Variants in RUNX3 observed in about 807,000 individuals in gnomAD.
The protein encoded by RUNX3 is RUNX family transcription factor 3.
RUNX3 carries 10 observed loss-of-function variants against 27.7 expected under a neutral mutation model. The observed-to-expected ratio is 0.36, with a 90% CI of 0.22 to 0.61. The LOEUF (loss-of-function observed/expected upper bound fraction) is 0.61, where lower values mean the gene tolerates loss of function less well. RUNX3 is among the 20% of genes least tolerant of loss of function. RUNX3 has a pLI of 0.72. For synonymous variants in RUNX3, 270 were observed against 269.2 expected (o/e 1.00, Z -0.03); for missense variants, 469 against 629.5 (o/e 0.75, Z 2.73).
chr1:24,900,984 T>G lies in RUNX3; in HGVS notation c.*1138A>C, dbSNP rs1183582039. On this transcript the variant is annotated 3_prime_UTR_variant, in exon 5 of 5. Coordinates refer to ENST00000308873, the MANE Select transcript of RUNX3 (RefSeq NM_004350.3). The stretch of plus-strand genomic sequence containing the variant: ...GTGTTTGAAAACGTTAGATTAAGCT[T>G]CTTTTTCTAAAATCAGTTTTAAAAA... 1.3e-5 allele frequency: 2 copies of G among 152,108 alleles called. No homozygotes were observed. The highest frequency in any genetic ancestry group is 2.4e-5 in the African/African-American group (1 of 41,404). The allele number at this position is 152,108 out of a possible 1,614,324, so 9.4% of individuals were successfully genotyped here. A position where few individuals can be genotyped will look rare whatever the true frequency, so the allele number is the denominator to read the frequency against.
chr1:24,953,004 T>C (rs751230358), intron 2 of RUNX3, among the ~76,000 whole-genome samples: 3 of 152,148 alleles, frequency 2.0e-5, no homozygotes, highest in Non-Finnish European at 2.9e-5. Flanking sequence ...ATTTTTACTA[T>C]CTTTCTTTTG....
In RUNX3 at chr1:24,901,462, G is replaced by C. The variant is rs1199525801; in HGVS notation, c.*660C>G. 1 of 152,904 alleles carries C rather than the reference G, an allele frequency of 6.5e-6. No homozygotes were observed. Among genetic ancestry groups the C allele is most frequent in the African/African-American group, 2.4e-5 (1 of 41,378 alleles). The allele number at this position is 152,904 out of a possible 1,614,324, so 9.5% of individuals were successfully genotyped here. A position where few individuals can be genotyped will look rare whatever the true frequency, so the allele number is the denominator to read the frequency against. On this transcript the variant is annotated 3_prime_UTR_variant, in exon 5 of 5. Transcript: ENST00000308873. ...TCTGGGGCCTGGGACCCGTGCGGCT[G>C]GGGGAAAGCCAACAGTTAGGAACGG...
Position 24,902,466 on chromosome 1 carries a change from G to A in RUNX3, c.904C>T (p.Arg302Cys), listed in dbSNP as rs749556676. ...GGCGGGAGGTAGGTATGGTGGAAGC[G>A]GCTGGTGGCCGGCATGCCCGCCACG... is the stretch of plus-strand genomic sequence containing the variant. ...LSVAGMPATSRFHHTYLPPPY... is the reference protein window; with the variant it reads ...LSVAGMPATSCFHHTYLPPPY... Residue 302 changes from arginine (R) to cysteine (C), a missense_variant, in exon 5 of 5, where the codon CGC becomes TGC. Arg to Cys is a radical substitution (Grantham distance 180, BLOSUM62 -3). Around this residue, in one of 3 missense-constraint regions of RUNX3, gnomAD observed 279 missense variants for 343.0 expected, o/e 0.81. Transcript: ENST00000308873. The surrounding 1 kb of genome is among the most constrained non-coding windows in gnomAD (Gnocchi z 9.2). 3.7e-6 allele frequency: 6 copies of A among 1,600,846 alleles called. No individual in the cohort carries two copies. The highest frequency in any genetic ancestry group is 2.2e-5 in the East Asian group (1 of 44,482).
intron 2 of RUNX3, among the ~76,000 whole-genome samples, chr1:24,951,739 G>A (rs565482575): frequency 4.2e-4 from 64 of 152,202 alleles, no homozygotes; most frequent in Non-Finnish European, 7.8e-4. Flanking sequence ...GGCGAGCCAC[G>A]CAGGCTCTGG....
At chr1:24,915,097 A>G (rs927692062) in intron 3 of RUNX3, among the ~76,000 whole-genome samples, 4 of 152,240 alleles carry the variant, frequency 2.6e-5, no homozygotes, top group Non-Finnish European at 4.4e-5. Flanking sequence ...GGGCCTGGCA[A>G]ACCAGAGCAA....
intron 2 of RUNX3, among the ~76,000 whole-genome samples, chr1:24,925,529 C>G (rs1012059635): frequency 3.9e-5 from 6 of 152,210 alleles, no homozygotes; most frequent in African/African-American, 1.2e-4. Context: ...CCCCATCTCA[C>G]AGATGAGGAA....
Position 24,906,920 on chromosome 1 carries a change from G to A in RUNX3, c.703+339C>T, listed in dbSNP as rs1038658695. Among the ~76,000 whole-genome samples, 10 of 152,292 alleles carry A rather than the reference G, an allele frequency of 6.6e-5. No individual in the cohort carries two copies. The East Asian group carries it at 1.2e-3, about 18-fold the overall frequency. On this transcript the variant is annotated intron_variant, in intron 4 of 4. Transcript: ENST00000308873. ...TACATGGCAGGGGCGAGTCTGTCAC[G>A]GCTCCTTGGACAAGTCATGCCCCAA... is the stretch of plus-strand genomic sequence containing the variant.
At chr1:24,952,085 A>G (rs1641781617) in intron 2 of RUNX3, among the ~76,000 whole-genome samples, 1 of 152,260 alleles carries the variant, frequency 6.6e-6, no homozygotes, top group Non-Finnish European at 1.5e-5. Flanking sequence ...AAGTTGAGTC[A>G]TAATTTATAT....
At position 24,963,891 on chromosome 1, in the gene RUNX3, C is replaced by T. The variant is rs1278890081; in HGVS notation, c.58+623G>A. Reference sequence around the variant, plus strand: ...AAAAAAGGCAAAAGCTGCCCAGAAACACTTTCTCCTCTTCCGTGGCCAAAT... The same window carrying T: ...AAAAAAGGCAAAAGCTGCCCAGAAATACTTTCTCCTCTTCCGTGGCCAAAT... On this transcript the variant is annotated intron_variant, in intron 2 of 6. Coordinates refer to the RUNX3 transcript ENST00000338888. 2.6e-5 allele frequency among the ~76,000 whole-genome samples: 4 copies of T among 152,342 alleles called. No individual in the cohort carries two copies. The East Asian group carries it at 7.7e-4, about 29-fold the overall frequency.
intron 2 of RUNX3, among the ~76,000 whole-genome samples, chr1:24,925,215 T>C (rs742232): frequency 0.53 from 80,433 of 151,942 alleles, 21,503 homozygotes; most frequent in South Asian, 0.58. Flanking sequence ...GGATGGGCAC[T>C]GCAGATGTGT....
chr1:24,924,346 G>A (rs185096935), intron 2 of RUNX3, among the ~76,000 whole-genome samples: 5 of 152,202 alleles, frequency 3.3e-5, no homozygotes, highest in South Asian at 4.2e-4. Context: ...GGGCGACAGA[G>A]CGAGACCTTG....
rs1290454580 is a variant in RUNX3, at chr1:24,901,025, T to G, written c.*1097A>C. The G allele has an allele frequency of 1.4e-5, 2 of 143,240 alleles. No homozygotes were observed. Among genetic ancestry groups the G allele is most frequent in the South Asian group, 2.1e-4 (1 of 4,746 alleles). 8.9% of individuals were successfully genotyped at this position (143,240 alleles called of 1,614,324 possible). A position where few individuals can be genotyped will look rare whatever the true frequency, so the allele number is the denominator to read the frequency against. On this transcript the variant is annotated 3_prime_UTR_variant, in exon 5 of 5. Transcript: ENST00000308873. ...GTTTTAAAAACTGTTTTGTTTTTTT[T>G]TTGTTTTTTTGTTTTTTTTTTTTTT...
rs375638124 is a variant in RUNX3, at chr1:24,902,368, G to A, written c.1002C>T (p.Tyr334=). The change falls in exon 5 of 5, where the codon TAC becomes TAT. Residue 334 remains tyrosine (Y), a synonymous_variant. Transcript: ENST00000308873. This position sits in a 1 kb window ranked among gnomAD's most constrained non-coding sequence, Gnocchi z 9.2. ...QANPSPYHLY[Y]GTSSGSYQFS... ...ACTGGTAGGAGCCAGAGGATGTCCC[G>A]TAGTAGAGGTGGTAGGGGGACGGGT... 1.4e-5 allele frequency: 23 copies of A among 1,612,202 alleles called. No individual in the cohort carries two copies. Among genetic ancestry groups the A allele is most frequent in the African/African-American group, 5.3e-5 (4 of 74,918 alleles).
Position 24,930,133 on chromosome 1 carries a change from C to G in RUNX3, c.-265G>C. 1.0e-6 allele frequency: 1 copy of G among 979,244 alleles called. No individual in the cohort carries two copies. 60.7% of individuals were successfully genotyped at this position (979,244 alleles called of 1,614,324 possible). A position where few individuals can be genotyped will look rare whatever the true frequency, so the allele number is the denominator to read the frequency against. On this transcript the variant is annotated 5_prime_UTR_variant, in exon 1 of 5. Coordinates refer to ENST00000308873, the MANE Select transcript of RUNX3 (RefSeq NM_004350.3). This position sits in a 1 kb window ranked among gnomAD's most constrained non-coding sequence, Gnocchi z 4.1. ...CGCGCGGCCCCGCGTGCGGCCGCCC[C>G]TCGTGGCTGTCCCGGCTGCCTGGGC...
At chr1:24,958,483 T>C (rs1323313270) in intron 2 of RUNX3, among the ~76,000 whole-genome samples, 1 of 152,214 alleles carries the variant, frequency 6.6e-6, no homozygotes, top group Non-Finnish European at 1.5e-5. Context: ...GGCTCTGATA[T>C]GCTCCTGGAC....
intron 4 of RUNX3, among the ~76,000 whole-genome samples, chr1:24,905,041 G>T (rs1640637742): frequency 6.6e-6 from 1 of 152,214 alleles, no homozygotes; most frequent in Admixed American, 6.5e-5. Context: ...CTGCGGCTGG[G>T]GGCTGGGGCT....
At chr1:24,942,330 C>T (rs1641498616) in intron 2 of RUNX3, among the ~76,000 whole-genome samples, 1 of 152,174 alleles carries the variant, frequency 6.6e-6, no homozygotes, top group Admixed American at 6.5e-5. Context: ...AGCCATGGAG[C>T]TCCTTGGGGG....
At chr1:24,936,092 G>T (rs919917469) in intron 2 of RUNX3, among the ~76,000 whole-genome samples, 1 of 152,232 alleles carries the variant, frequency 6.6e-6, no homozygotes, top group Admixed American at 6.5e-5. Flanking sequence ...GCCATGGAGT[G>T]GTGAGAGAGA....
chr1:24,938,849 G>A (rs566373287), intron 2 of RUNX3, among the ~76,000 whole-genome samples: 10 of 152,036 alleles, frequency 6.6e-5, no homozygotes, highest in African/African-American at 1.4e-4. Context: ...CACCAGATGC[G>A]GAACCTGCCA....
Sources: gnomAD v4.1 joint callset for allele counts (sites outside exome capture counted in the v4.1 genomes callset) on GRCh38, gnomAD v4.1.1 for gene constraint, gnomAD v4.1.1 regional missense constraint, Gnocchi (gnomAD v3.1) non-coding constraint, MANE v1.5 for transcripts, NCBI Gene and HGNC (gene_info 2026-07-23, HGNC 2026-07-21) for gene names.